Variants in KIAA1217 observed in about 807,000 individuals in gnomAD.
KIAA1217 encodes the protein KIAA1217.
A neutral mutation model predicts 163.9 loss-of-function variants in KIAA1217; 88 were observed. That is an observed-to-expected ratio of 0.54 (90% confidence interval 0.45 to 0.64). KIAA1217 has a LOEUF of 0.64. Among genes scored for constraint, KIAA1217 ranks in the 30% least tolerant of loss-of-function variants. The pLI, the probability that KIAA1217 is intolerant of heterozygous loss-of-function variation, is 0.00. For synonymous variants in KIAA1217, 903 were observed against 923.1 expected (o/e 0.98, Z 0.39); for missense variants, 2,372 against 2,475.0 (o/e 0.96, Z 0.88).
chr10:24,529,436 T>C (rs763674100), intron 14 of KIAA1217, among the ~76,000 whole-genome samples: 8 of 152,164 alleles, frequency 5.3e-5, no homozygotes, highest in Non-Finnish European at 1.0e-4. Flanking sequence ...GGATTCAACA[T>C]AGTACTTGGC....
chr10:24,265,338 A>G (rs997367283), intron 2 of KIAA1217, among the ~76,000 whole-genome samples: 1 of 152,208 alleles, frequency 6.6e-6, no homozygotes, highest in Non-Finnish European at 1.5e-5. Context: ...CCATGTATGT[A>G]TGTAGTCCTT....
intron 10 of KIAA1217, among the ~76,000 whole-genome samples, chr10:24,519,109 T>C (rs764804973): frequency 6.6e-6 from 1 of 152,204 alleles, no homozygotes; most frequent in Admixed American, 6.5e-5. Flanking sequence ...CAGACGACAC[T>C]GTGCATTCCT....
intron 1 of KIAA1217, among the ~76,000 whole-genome samples, chr10:23,795,157 A>G (rs2130942528): frequency 6.6e-6 from 1 of 152,346 alleles, no homozygotes; most frequent in African/African-American, 2.4e-5. Flanking sequence ...ATCTTTATTG[A>G]CAATTTAGGG....
intron 1 of KIAA1217, among the ~76,000 whole-genome samples, chr10:23,971,554 C>T (rs1038556239): frequency 6.6e-6 from 1 of 152,128 alleles, no homozygotes; most frequent in African/African-American, 2.4e-5. Flanking sequence ...TCATGGCTGA[C>T]CAGTATTAAC....
At chr10:24,169,500 G>A (rs545972579) in intron 2 of KIAA1217, among the ~76,000 whole-genome samples, 12 of 151,614 alleles carry the variant, frequency 7.9e-5, no homozygotes, top group Non-Finnish European at 1.5e-5. Context: ...GGCTATCTCT[G>A]TGAGGATAGG....
chr10:24,294,073 T>A (rs928253438), intron 2 of KIAA1217, among the ~76,000 whole-genome samples: 1 of 148,596 alleles, frequency 6.7e-6, no homozygotes, highest in Non-Finnish European at 1.5e-5. Context: ...GCGCCTGTAG[T>A]CCCAGCTACT....
At chr10:23,899,643 A>G (rs1405302145) in intron 1 of KIAA1217, among the ~76,000 whole-genome samples, 1 of 152,132 alleles carries the variant, frequency 6.6e-6, no homozygotes, top group African/African-American at 2.4e-5. Context: ...CTTGTGGTCA[A>G]CAACTTATCT....
intron 1 of KIAA1217, among the ~76,000 whole-genome samples, chr10:23,919,781 C>T (rs1158784187): frequency 1.3e-5 from 2 of 152,112 alleles, no homozygotes; most frequent in Non-Finnish European, 2.9e-5. Flanking sequence ...TCTTTCGGTG[C>T]TACCCAAAGA....
intron 1 of KIAA1217, among the ~76,000 whole-genome samples, chr10:23,704,172 G>GTGTGTGCATATATA (rs1229370789): frequency 2.0e-4 from 8 of 39,948 alleles, no homozygotes; most frequent in Admixed American, 9.4e-4. Flanking sequence ...GTGTGTGTGT[G>GTGTGTGCATATATA]TATATATATA....
At chr10:24,533,983 G>A (rs915403413) in intron 16 of KIAA1217, among the ~76,000 whole-genome samples, 4 of 152,146 alleles carry the variant, frequency 2.6e-5, no homozygotes, top group African/African-American at 9.7e-5. Context: ...CAAACTTTGT[G>A]TAGAGTATTT....
At chr10:24,349,132 C>CAA (rs11318554) in intron 2 of KIAA1217, among the ~76,000 whole-genome samples, 25 of 105,472 alleles carry the variant, frequency 2.4e-4, no homozygotes, top group Admixed American at 3.0e-4. Context: ...GACCCTGTCT[C>CAA]AAAAAAAAAA....
intron 1 of KIAA1217, among the ~76,000 whole-genome samples, chr10:23,941,289 C>T (rs538242187): frequency 6.6e-6 from 1 of 152,258 alleles, no homozygotes; most frequent in African/African-American, 2.4e-5. Flanking sequence ...ATATGGAAGG[C>T]TTCTGGGTTC....
chr10:24,023,641 A>G (rs1847826124), intron 2 of KIAA1217, among the ~76,000 whole-genome samples: 1 of 151,748 alleles, frequency 6.6e-6, no homozygotes, highest in South Asian at 2.1e-4. Flanking sequence ...ACACTGAGAG[A>G]CAACTGTAAT....
intron 6 of KIAA1217, among the ~76,000 whole-genome samples, chr10:24,478,057 G>T (rs1033166244): frequency 2.6e-4 from 39 of 152,234 alleles, no homozygotes; most frequent in Non-Finnish European, 5.3e-4. Flanking sequence ...TTACATCGAA[G>T]ATGTGAAGCT....
chr10:23,832,165 TCTGA>T (rs1159223792), intron 1 of KIAA1217, among the ~76,000 whole-genome samples: 1 of 152,178 alleles, frequency 6.6e-6, no homozygotes, highest in Non-Finnish European at 1.5e-5. Context: ...CACTTATACT[TCTGA>T]CTAACAAGCA....
chr10:24,266,665 G>A (rs1308419766), intron 2 of KIAA1217, among the ~76,000 whole-genome samples: 1 of 152,132 alleles, frequency 6.6e-6, no homozygotes, highest in Non-Finnish European at 1.5e-5. Context: ...TCTGTAAAAT[G>A]CACTAATCAG....
chr10:24,145,120 A>T (rs2064248677), intron 2 of KIAA1217, among the ~76,000 whole-genome samples: 1 of 152,364 alleles, frequency 6.6e-6, no homozygotes, highest in South Asian at 2.1e-4. Context: ...AGAAGAATGC[A>T]AACAAAGTCT....
intron 1 of KIAA1217, among the ~76,000 whole-genome samples, chr10:23,812,352 AGAGTT>A (rs1288236385): frequency 6.6e-6 from 1 of 152,206 alleles, no homozygotes; most frequent in Non-Finnish European, 1.5e-5. Context: ...AGCATGAGTT[AGAGTT>A]AATTCATGTG....
At chr10:24,322,201 G>A (rs185278042) in intron 2 of KIAA1217, among the ~76,000 whole-genome samples, 3 of 152,176 alleles carry the variant, frequency 2.0e-5, no homozygotes, top group East Asian at 1.9e-4. Context: ...TGATCCACCC[G>A]CCTCAGCCTC....
Sources: gnomAD v4.1 joint callset for allele counts (sites outside exome capture counted in the v4.1 genomes callset) on GRCh38, gnomAD v4.1.1 for gene constraint, MANE v1.5 for transcripts, NCBI Gene and HGNC (gene_info 2026-07-23, HGNC 2026-07-21) for gene names.